The following RAD54B variants were observed in gnomAD, a reference collection of about 807,000 sequenced individuals.
RAD54B encodes the protein RAD54 homolog B, also known as DNA repair and recombination protein RAD54B.
In RAD54B, 78 loss-of-function variants were observed where a neutral mutation model predicts 95.8. That is an observed-to-expected ratio of 0.81 (90% CI 0.68 to 0.98). RAD54B has a LOEUF of 0.98. Ranked by LOEUF, RAD54B falls within the 50% of genes least tolerant of loss-of-function variation. The pLI is 0.00. For missense variants in RAD54B, 957 were observed against 1,056.6 expected, an observed-to-expected ratio of 0.91 and a Z score of 1.31; for synonymous variants, 328 against 354.9, an observed-to-expected ratio of 0.92 and a Z score of 0.85.
intron 1 of RAD54B, among the ~76,000 whole-genome samples, chr8:94,474,724 G>GC (rs1586049176): frequency 1.3e-5 from 2 of 152,104 alleles, no homozygotes; most frequent in African/African-American, 4.8e-5. Context: ...CGCAGTGGCG[G>GC]CCCCAGGGGC....
At chr8:94,469,465 TA>T (rs1363751113) in intron 1 of RAD54B, among the ~76,000 whole-genome samples, 12 of 152,220 alleles carry the variant, frequency 7.9e-5, no homozygotes, top group African/African-American at 2.9e-4. Context: ...TCTTTCCTAA[TA>T]AATTACCCAG....
intron 2 of RAD54B, among the ~76,000 whole-genome samples, chr8:94,464,983 T>C (rs904814171): frequency 2.0e-5 from 3 of 152,128 alleles, no homozygotes; most frequent in African/African-American, 4.8e-5. Flanking sequence ...CTCATTACCA[T>C]GAAAACAGCA....
chr8:94,463,704 C>A (rs569252608), intron 2 of RAD54B, among the ~76,000 whole-genome samples: 1 of 150,960 alleles, frequency 6.6e-6, no homozygotes, highest in Non-Finnish European at 1.5e-5. Flanking sequence ...ATAGGCAGAC[C>A]CCATCTCTAT....
At chr8:94,431,034 C>A (rs1812079280) in intron 3 of RAD54B, 1 of 985,378 alleles carries the variant, frequency 1.0e-6, no homozygotes, top group Admixed American at 6.1e-5. Context: ...ATTACACCCA[C>A]CCCATTCTAC....
chr8:94,400,515 CT>C, intron 6 of RAD54B, 52 bp from the exon 7 acceptor site: 3 of 1,400,496 alleles, frequency 2.1e-6, no homozygotes, highest in Non-Finnish European at 2.9e-6. Context: ...ATATTTTATG[CT>C]CTTAAAATCA....
At chr8:94,372,470 AGTTT>A (rs1240510276) in intron 14 of RAD54B, 83 bp from the exon 15 acceptor site, 6 of 1,533,998 alleles carry the variant, frequency 3.9e-6, no homozygotes, top group Non-Finnish European at 5.2e-6. Flanking sequence ...TATGATAATT[AGTTT>A]ATGTGATTTA....
intron 3 of RAD54B, chr8:94,431,685 A>T (rs1246048334): frequency 1.0e-6 from 1 of 982,894 alleles, no homozygotes; most frequent in Non-Finnish European, 1.2e-6. Context: ...CTCCTTCAAA[A>T]GATAAAAGCA....
At chr8:94,456,619 T>A (rs1328131173) in intron 3 of RAD54B, among the ~76,000 whole-genome samples, 1 of 152,184 alleles carries the variant, frequency 6.6e-6, no homozygotes, top group Non-Finnish European at 1.5e-5. Flanking sequence ...ACTCGAGAGT[T>A]TGTAGGCATA....
Position 94,380,181 on chromosome 8 carries a change from G to A in RAD54B, c.2211C>T (p.Leu737=), listed in dbSNP as rs1253253327. The part of the protein sequence containing the change: ...LNLIGGSHLI[L]YDIDWNPATD... ...TGGCTGGATTCCAATCAATGTCATA[G>A]AGAATTAAGTGAGATCCTCCAATGA... The change falls in exon 12 of 15, where the codon CTC becomes CTT. Residue 737 remains leucine (L), a synonymous_variant. Coordinates refer to ENST00000336148, the MANE Select transcript of RAD54B (RefSeq NM_012415.3). The A allele has an allele frequency of 6.2e-7, 1 of 1,612,406 alleles. No homozygotes were observed. Among genetic ancestry groups the A allele is most frequent in the South Asian group, 1.1e-5 (1 of 90,814 alleles).
At chr8:94,462,570 C>G (rs1351436028) in intron 2 of RAD54B, among the ~76,000 whole-genome samples, 1 of 152,080 alleles carries the variant, frequency 6.6e-6, no homozygotes, top group African/African-American at 2.4e-5. Flanking sequence ...TCAGACCAAT[C>G]AAGTAAACAC....
At chr8:94,437,244 T>C (rs1398960230) in intron 3 of RAD54B, among the ~76,000 whole-genome samples, 2 of 152,238 alleles carry the variant, frequency 1.3e-5, no homozygotes, top group Admixed American at 6.5e-5. Flanking sequence ...TATGCCTAGC[T>C]GACAGACTGA....
intron 7 of RAD54B, among the ~76,000 whole-genome samples, 183 bp downstream of exon 7, chr8:94,400,055 G>A (rs1359293239): frequency 6.6e-6 from 1 of 152,032 alleles, no homozygotes; most frequent in Non-Finnish European, 1.5e-5. Flanking sequence ...TGAAAGTTAG[G>A]GTTTCAACAT....
chr8:94,467,466 C>T lies in RAD54B; in HGVS notation c.74G>A (p.Arg25Lys). The change falls in exon 2 of 15, where the codon AGA becomes AAA. Residue 25 changes from arginine to lysine, a missense_variant. Arg to Lys is a conservative substitution (Grantham distance 26, BLOSUM62 2). Coordinates refer to ENST00000336148, the MANE Select transcript of RAD54B (RefSeq NM_012415.3). ...CTCTTCATTCAGACCTGGATTACTT[C>T]TTCCTGGAGGTATAAATTTTGGTTT... Reference protein sequence around the residue: ...FKKPKFIPPGRSNPGLNEEIT... With the variant: ...FKKPKFIPPGKSNPGLNEEIT... 6.2e-7 allele frequency: 1 copy of T among 1,613,640 alleles called. No individual in the cohort carries two copies. The highest frequency in any genetic ancestry group is 1.1e-5 in the South Asian group (1 of 91,058).
chr8:94,466,054 G>T (rs1813016965), intron 2 of RAD54B, among the ~76,000 whole-genome samples: 2 of 152,132 alleles, frequency 1.3e-5, no homozygotes, highest in Non-Finnish European at 2.9e-5. Flanking sequence ...TTTCTGTTTG[G>T]GGTAATGAAA....
At position 94,443,525 on chromosome 8, in the gene RAD54B, CA is replaced by C. The variant is rs74715328; in HGVS notation, c.304+14742del. On this transcript the variant is annotated intron_variant, in intron 3 of 14. Coordinates refer to ENST00000336148, the MANE Select transcript of RAD54B (RefSeq NM_012415.3). ...ACCCAAGGGAATAAAATGAAATTAT[CA>C]AAAAAAAAAAAATCACTCCTTCGGC... Among the ~76,000 whole-genome samples, 1,524 of 140,822 alleles carry C rather than the reference CA, an allele frequency of 0.011. 43 individuals are homozygous for C. The East Asian group carries it at 0.14, about 13-fold the overall frequency. 92.4% of individuals were successfully genotyped at this position (140,822 alleles called of 152,430 possible).
chr8:94,438,061 T>C (rs3019281), intron 3 of RAD54B, among the ~76,000 whole-genome samples: 39,370 of 152,108 alleles, frequency 0.26, 5,816 homozygotes, highest in East Asian at 0.43. Context: ...TTTTAATTAC[T>C]GACCACGTAT....
At chr8:94,377,915 G>T (rs1272932173) in intron 14 of RAD54B, among the ~76,000 whole-genome samples, 1 of 138,746 alleles carries the variant, frequency 7.2e-6, no homozygotes, top group African/African-American at 2.7e-5. Context: ...GGCGGAGCTT[G>T]CAGTGAGCCG....
intron 3 of RAD54B, among the ~76,000 whole-genome samples, chr8:94,446,097 G>A (rs1460171457): frequency 2.0e-5 from 3 of 152,088 alleles, no homozygotes; most frequent in Non-Finnish European, 2.9e-5. Context: ...ATAGCAAGTA[G>A]TGTATTTTAA....
intron 5 of RAD54B, 73 bp downstream of exon 5, chr8:94,407,366 A>G: frequency 7.0e-7 from 1 of 1,422,128 alleles, no homozygotes; most frequent in Non-Finnish European, 9.5e-7. Flanking sequence ...AACAAAATTT[A>G]AACTTCAAAT....
Sources: gnomAD v4.1 joint callset for allele counts (sites outside exome capture counted in the v4.1 genomes callset) on GRCh38, gnomAD v4.1.1 for gene constraint, MANE v1.5 for transcripts, NCBI Gene and HGNC (gene_info 2026-07-23, HGNC 2026-07-21) for gene names.